GSE1: variants seen among roughly 807,000 people sequenced by gnomAD.
GSE1 encodes the protein Gse1 coiled-coil protein.
GSE1 carries 32 observed loss-of-function variants against 112.6 expected under a neutral mutation model. That is an observed-to-expected ratio of 0.28 (90% CI 0.21 to 0.38). The LOEUF is 0.38. GSE1 is among the 10% of genes least tolerant of loss of function. The probability of loss-of-function intolerance (pLI) is 1.00; values close to 1 mark genes in which losing one functional copy is unlikely to be tolerated. For synonymous variants in GSE1, 1,115 were observed against 735.6 expected (o/e 1.52, Z -8.35); for missense variants, 2,348 against 1,699.2 (o/e 1.38, Z -6.71).
At chr16:85,330,334 C>T (rs923977803) in intron 1 of GSE1, among the ~76,000 whole-genome samples, 11 of 152,186 alleles carry the variant, frequency 7.2e-5, no homozygotes, top group African/African-American at 2.7e-4. Context: ...GGGGTGGGGG[C>T]CACCAGCCAA....
At chr16:85,423,946 T>G (rs1597713520) in intron 2 of GSE1, among the ~76,000 whole-genome samples, 1 of 151,944 alleles carries the variant, frequency 6.6e-6, no homozygotes, top group Non-Finnish European at 1.5e-5. Context: ...CCTGAAGGAG[T>G]GACGTGAGGC....
chr16:85,550,792 G>A (rs1002898197), intron 2 of GSE1, among the ~76,000 whole-genome samples: 1 of 152,206 alleles, frequency 6.6e-6, no homozygotes, highest in Non-Finnish European at 1.5e-5. Context: ...AGGGAGTCTG[G>A]GGACCCTCCA....
rs536722979 is a variant in GSE1, at chr16:85,227,627, C to T, written c.2283+55820C>T. 1.2e-4 allele frequency among the ~76,000 whole-genome samples: 19 copies of T among 152,154 alleles called. No homozygotes were observed. In the South Asian group the frequency reaches 1.9e-3, roughly 15 times the overall value. The stretch of plus-strand genomic sequence containing the variant: ...GTTCTTGCAGGTTGGGGCTGGATGC[C>T]GGGTGGTTGGGTCACTTGAGGGAAA... On this transcript the variant is annotated intron_variant, in intron 1 of 2. Coordinates refer to the GSE1 transcript ENST00000637419.
chr16:85,565,810 G>A (rs910624116), intron 1 of GSE1, among the ~76,000 whole-genome samples: 1 of 152,230 alleles, frequency 6.6e-6, no homozygotes, highest in African/African-American at 2.4e-5. Context: ...AGAAGCAGGA[G>A]GGACCCTGGG....
intron 1 of GSE1, among the ~76,000 whole-genome samples, chr16:85,314,796 C>T (rs1392039534): frequency 6.6e-6 from 1 of 152,076 alleles, no homozygotes; most frequent in Non-Finnish European, 1.5e-5. Context: ...GGGGGCAGGC[C>T]CAGGAGAGGT....
At chr16:85,477,763 T>TGCTGAAACCA (rs1459765343) in intron 2 of GSE1, among the ~76,000 whole-genome samples, 1 of 151,942 alleles carries the variant, frequency 6.6e-6, no homozygotes, top group African/African-American at 2.4e-5. Context: ...GGTTTCACTA[T>TGCTGAAACCA]GCTGGCCAGG....
intron 1 of GSE1, among the ~76,000 whole-genome samples, chr16:85,633,031 T>C (rs865959396): frequency 1.8e-4 from 18 of 100,530 alleles, no homozygotes; most frequent in Middle Eastern, 6.0e-3. Flanking sequence ...CCGCCGCCGC[T>C]GTCACCACTG....
At chr16:85,237,296 C>T (rs1904760943) in intron 1 of GSE1, among the ~76,000 whole-genome samples, 1 of 152,190 alleles carries the variant, frequency 6.6e-6, no homozygotes, top group South Asian at 2.1e-4. Context: ...GCACTCCAGC[C>T]TGGGCGACAG....
chr16:85,280,987 C>A (rs2044840792), intron 1 of GSE1, among the ~76,000 whole-genome samples: 1 of 152,172 alleles, frequency 6.6e-6, no homozygotes, highest in Non-Finnish European at 1.5e-5. Flanking sequence ...AGTGCCTGGG[C>A]CGGTCAGAGC....
chr16:85,184,219 T>G (rs1192328059), intron 1 of GSE1, among the ~76,000 whole-genome samples: 1 of 152,210 alleles, frequency 6.6e-6, no homozygotes, highest in African/African-American at 2.4e-5. Context: ...GACTCAGGCC[T>G]GTCTTTTTGT....
At chr16:85,317,262 G>T (rs1193489536) in intron 1 of GSE1, among the ~76,000 whole-genome samples, 3 of 152,178 alleles carry the variant, frequency 2.0e-5, no homozygotes, top group Non-Finnish European at 2.9e-5. Context: ...CAGGGCTGCA[G>T]GACCTCCTGG....
chr16:85,498,507 A>G (rs577280024), intron 2 of GSE1, among the ~76,000 whole-genome samples: 162 of 152,314 alleles, frequency 1.1e-3, no homozygotes, highest in African/African-American at 3.8e-3. Context: ...ACACACAAAC[A>G]TACACAGAGA....
chr16:85,465,535 T>G (rs970436392), intron 2 of GSE1, among the ~76,000 whole-genome samples: 1 of 152,216 alleles, frequency 6.6e-6, no homozygotes, highest in Non-Finnish European at 1.5e-5. Context: ...ACACTGTCAG[T>G]GTCATAAATG....
chr16:85,186,077 C>G (rs2074695000), intron 1 of GSE1, among the ~76,000 whole-genome samples: 1 of 152,198 alleles, frequency 6.6e-6, no homozygotes, highest in South Asian at 2.1e-4. Flanking sequence ...ACCACTGATA[C>G]TGTTCTATGT....
upstream of GSE1, among the ~76,000 whole-genome samples, chr16:85,606,727 G>C (rs2047718425): frequency 6.6e-6 from 1 of 152,226 alleles, no homozygotes; most frequent in Non-Finnish European, 1.5e-5. Context: ...CAGGATTTCA[G>C]ACACCTGGGA....
intron 2 of GSE1, among the ~76,000 whole-genome samples, chr16:85,401,781 G>C (rs1034364726): frequency 1.3e-5 from 2 of 152,224 alleles, no homozygotes; most frequent in Non-Finnish European, 1.5e-5. Context: ...CTGCTACTGT[G>C]GGGGAGGGCC....
intron 2 of GSE1, among the ~76,000 whole-genome samples, chr16:85,452,166 C>T (rs1051217234): frequency 1.3e-5 from 2 of 152,224 alleles, no homozygotes; most frequent in African/African-American, 2.4e-5. Context: ...CCGTTTGCCA[C>T]CCTGGCCTGC....
At chr16:85,550,618 G>T (rs2044872876) in intron 2 of GSE1, among the ~76,000 whole-genome samples, 1 of 152,180 alleles carries the variant, frequency 6.6e-6, no homozygotes, top group African/African-American at 2.4e-5. Context: ...CCAGATGCCA[G>T]TGGGCACAGC....
chr16:85,640,805 C>T (rs1012704501), intron 2 of GSE1, among the ~76,000 whole-genome samples: 5 of 152,248 alleles, frequency 3.3e-5, no homozygotes, highest in Admixed American at 1.3e-4. Context: ...CAGTCTGCGG[C>T]GGCGGCGGCT....
Sources: gnomAD v4.1 joint callset for allele counts (sites outside exome capture counted in the v4.1 genomes callset) on GRCh38, gnomAD v4.1.1 for gene constraint, MANE v1.5 for transcripts, NCBI Gene and HGNC (gene_info 2026-07-23, HGNC 2026-07-21) for gene names.